The following FIG4 variants were observed in gnomAD, a reference collection of about 807,000 sequenced individuals.
FIG4 encodes the protein FIG4 phosphoinositide 5-phosphatase.
Under a neutral mutation model 118.6 loss-of-function variants are expected in FIG4, and 112 were observed. That is an observed-to-expected ratio of 0.94 (90% CI 0.81 to 1.11). The LOEUF (loss-of-function observed/expected upper bound fraction) is 1.11. FIG4 is among the 50% of genes least tolerant of loss of function. The pLI, the probability that FIG4 is intolerant of heterozygous loss-of-function variation, is 0.00. For missense variants in FIG4, 969 were observed against 1,111.7 expected (o/e 0.87, Z 1.83); for synonymous variants, 369 against 381.2 (o/e 0.97, Z 0.37).
At chr6:109,755,806 C>T (rs1201280316) in intron 10 of FIG4, among the ~76,000 whole-genome samples, 1 of 152,130 alleles carries the variant, frequency 6.6e-6, no homozygotes, top group East Asian at 1.9e-4. Context: ...TTCCTCCATC[C>T]TTTTATTTTG....
chr6:109,694,424 C>T (rs1280985967), intron 1 of FIG4, among the ~76,000 whole-genome samples: 1 of 152,118 alleles, frequency 6.6e-6, no homozygotes, highest in Non-Finnish European at 1.5e-5. Context: ...CTTGCCATAT[C>T]CACAGATCAA....
At chr6:109,713,230 G>A (rs924461319) in intron 1 of FIG4, among the ~76,000 whole-genome samples, 2 of 152,246 alleles carry the variant, frequency 1.3e-5, no homozygotes, top group African/African-American at 4.8e-5. Flanking sequence ...GGCAGCGAAA[G>A]CATGGTGGCT....
intron 1 of FIG4, among the ~76,000 whole-genome samples, chr6:109,704,122 TCTC>T (rs552748441): frequency 1.3e-5 from 2 of 152,162 alleles, no homozygotes; most frequent in African/African-American, 4.8e-5. Context: ...ACCTGTTTCT[TCTC>T]CAGTCATCTC....
At chr6:109,728,647 G>C (rs557795421) in intron 4 of FIG4, among the ~76,000 whole-genome samples, 5 of 151,996 alleles carry the variant, frequency 3.3e-5, no homozygotes, top group Non-Finnish European at 5.9e-5. Context: ...TTTGGAAGGG[G>C]GTTATTAGAA....
chr6:109,799,490 T>C (rs1778374140), intron 22 of FIG4, among the ~76,000 whole-genome samples: 1 of 152,216 alleles, frequency 6.6e-6, no homozygotes, highest in African/African-American at 2.4e-5. Flanking sequence ...AGAAATTACA[T>C]TTATTTGGGA....
intron 11 of FIG4, among the ~76,000 whole-genome samples, 165 bp downstream of exon 11, chr6:109,760,548 T>C (rs1190087145): frequency 2.0e-5 from 3 of 152,218 alleles, no homozygotes; most frequent in African/African-American, 4.8e-5. Context: ...AAACATTTTT[T>C]TTTCTTTTTG....
chr6:109,775,090 C>T (rs1357811644), intron 15 of FIG4, among the ~76,000 whole-genome samples: 1 of 152,098 alleles, frequency 6.6e-6, no homozygotes, highest in Non-Finnish European at 1.5e-5. Context: ...ATTCTTTCTT[C>T]CCTTCAAGCA....
rs1777828382 is a variant in FIG4 at position 109,782,256 on chromosome 6, T to A, written c.1890-2714T>A. On this transcript the variant is annotated intron_variant, in intron 16 of 22. Transcript: ENST00000230124. ...GTGCATTGTTCTTCCTCTGGATAAA[T>A]GTACCTGGTAGTAGAGGTGGTAAAG... Among the ~76,000 whole-genome samples the A allele has an allele frequency of 3.3e-5, 5 of 152,308 alleles. No individual in the cohort carries two copies. In the South Asian group the frequency reaches 8.3e-4, roughly 25 times the overall value.
At chr6:109,692,383 C>G (rs1774499819) in intron 1 of FIG4, among the ~76,000 whole-genome samples, 1 of 152,164 alleles carries the variant, frequency 6.6e-6, no homozygotes, top group East Asian at 1.9e-4. Flanking sequence ...TAAACTGTTT[C>G]TCTGAAACTT....
rs539263005 is a variant in FIG4, at chr6:109,695,441, TG to T, written c.66+3942del. 3.9e-5 allele frequency among the ~76,000 whole-genome samples: 6 copies of T among 152,316 alleles called. No individual in the cohort carries two copies. The South Asian group carries it at 1.2e-3, about 32-fold the overall frequency. ...AGAGGAATGAGCAGCAGCATTGTTG[TG>T]GTGGAGAAGGACTCTGTGATGGAGC... On this transcript the variant is annotated intron_variant, in intron 1 of 22. Coordinates refer to ENST00000230124, the MANE Select transcript of FIG4 (RefSeq NM_014845.6).
At chr6:109,800,419 C>G (rs1411383084) in intron 22 of FIG4, among the ~76,000 whole-genome samples, 1 of 152,186 alleles carries the variant, frequency 6.6e-6, no homozygotes, top group Non-Finnish European at 1.5e-5. Flanking sequence ...ACCTAGCATA[C>G]TGTCCCTAAT....
chr6:109,722,541 CAG>C (rs933179471), intron 3 of FIG4, among the ~76,000 whole-genome samples: 2 of 151,820 alleles, frequency 1.3e-5, no homozygotes, highest in African/African-American at 4.8e-5. Context: ...CACACACATA[CAG>C]AGAGAGAAAC....
At chr6:109,705,746 C>T (rs1038119619) in intron 1 of FIG4, among the ~76,000 whole-genome samples, 1 of 152,148 alleles carries the variant, frequency 6.6e-6, no homozygotes, top group Admixed American at 6.5e-5. Context: ...CTTTAGGTTT[C>T]GTAGGATTTA....
At chr6:109,746,189 C>A (rs909864526) in intron 10 of FIG4, among the ~76,000 whole-genome samples, 5 of 152,126 alleles carry the variant, frequency 3.3e-5, no homozygotes, top group Admixed American at 1.3e-4. Context: ...ACCGGCTAGC[C>A]ATATGCAGAA....
Position 109,825,327 on chromosome 6 carries a change from T to A in FIG4, c.*62T>A. The A allele has an allele frequency of 6.7e-7, 1 of 1,489,804 alleles. No individual in the cohort carries two copies. Among genetic ancestry groups the A allele is most frequent in the Non-Finnish European group, 9.4e-7 (1 of 1,069,262 alleles). The allele number at this position is 1,489,804 out of a possible 1,614,324, so 92.3% of individuals were successfully genotyped here. A position where few individuals can be genotyped will look rare whatever the true frequency, so the allele number is the denominator to read the frequency against. ...AGCTTAGAACCTGTCTTGTCTCATC[T>A]TCAAAAGGTAACTTATTAAAAGTCC... On this transcript the variant is annotated 3_prime_UTR_variant, in exon 23 of 23. Transcript: ENST00000230124.
chr6:109,746,570 G>A (rs12206574), intron 10 of FIG4, among the ~76,000 whole-genome samples: 14,443 of 152,114 alleles, frequency 0.095, 968 homozygotes, highest in East Asian at 0.25. Context: ...GGCCCAGAGG[G>A]TGAGGACAAG....
chr6:109,772,565 C>G (rs890857182), intron 15 of FIG4, among the ~76,000 whole-genome samples: 1 of 152,124 alleles, frequency 6.6e-6, no homozygotes, highest in African/African-American at 2.4e-5. Flanking sequence ...CAAGAGACTC[C>G]CCTGCCTCAG....
chr6:109,812,201 C>G (rs1280581666), intron 22 of FIG4, among the ~76,000 whole-genome samples: 1 of 152,146 alleles, frequency 6.6e-6, no homozygotes, highest in African/African-American at 2.4e-5. Context: ...CCTCCCTAGC[C>G]ATGCTGAACT....
chr6:109,820,725 ATC>A (rs1268483857), intron 22 of FIG4, among the ~76,000 whole-genome samples: 1 of 152,066 alleles, frequency 6.6e-6, no homozygotes, highest in African/African-American at 2.4e-5. Context: ...TCATTTTAAA[ATC>A]TCTCTGAATC....
Sources: gnomAD v4.1 joint callset for allele counts (sites outside exome capture counted in the v4.1 genomes callset) on GRCh38, gnomAD v4.1.1 for gene constraint, MANE v1.5 for transcripts, NCBI Gene and HGNC (gene_info 2026-07-23, HGNC 2026-07-21) for gene names.